USPL1: variants seen among roughly 807,000 people sequenced by gnomAD.
USPL1 encodes the protein SUMO-specific isopeptidase USPL1.
In USPL1, 27 loss-of-function variants were observed where a neutral mutation model predicts 51.5. The ratio of observed to expected loss-of-function variants is 0.52; its 90% CI spans 0.39 to 0.72. The LOEUF (loss-of-function observed/expected upper bound fraction) is 0.72. USPL1 is among the 30% of genes least tolerant of loss of function. The pLI is 0.00. For missense variants in USPL1, 1,226 were observed against 1,268.0 expected (o/e 0.97, Z 0.50); for synonymous variants, 451 against 459.6 (o/e 0.98, Z 0.24).
At position 30,644,960 on chromosome 13, in the gene USPL1, T is replaced by C. The variant is rs186954256; in HGVS notation, c.1113-1972T>C. On this transcript the variant is annotated intron_variant, in intron 6 of 8. Coordinates refer to ENST00000255304, the MANE Select transcript of USPL1 (RefSeq NM_005800.5). The stretch of plus-strand genomic sequence containing the variant: ...TCCAGTCTTCTATCATTGCTTTATA[T>C]AAATTCTCTGGTTTTCTCCTCACAG... Among the ~76,000 whole-genome samples, 208 of 152,310 alleles carry C rather than the reference T, an allele frequency of 1.4e-3. 1 individual carries two copies. The highest frequency in any genetic ancestry group is 6.8e-3 in the Middle Eastern group (2 of 294).
intron 4 of USPL1, 63 bp downstream of exon 4, chr13:30,631,537 G>A (rs921806247): frequency 2.0e-5 from 29 of 1,470,208 alleles, no homozygotes; most frequent in South Asian, 2.7e-5. Flanking sequence ...GTCTCATTCT[G>A]TCACCCAGGC....
rs148571786 is a variant in USPL1 at position 30,659,105 on chromosome 13, G to A, written c.3028G>A (p.Glu1010Lys). The change falls in exon 9 of 9, where the codon GAA becomes AAA. Residue 1010 changes from glutamate to lysine, a missense_variant. Coordinates refer to ENST00000255304, the MANE Select transcript of USPL1 (RefSeq NM_005800.5). Reference sequence around the variant, plus strand: ...TCATATCCCACCACCAGTACCAAGTGAATTCAATGATGTTTCCCAGAACAC... The same window carrying A: ...TCATATCCCACCACCAGTACCAAGTAAATTCAATGATGTTTCCCAGAACAC... ...DSHIPPPVPSEFNDVSQNTHL... is the reference protein window; with the variant it reads ...DSHIPPPVPSKFNDVSQNTHL... The A allele has an allele frequency of 6.1e-4, 990 of 1,614,172 alleles. 7 individuals carry two copies. The highest frequency in any genetic ancestry group is 1.5e-3 in the Middle Eastern group (9 of 6,062).
chr13:30,629,996 C>T (rs1189121571), intron 3 of USPL1, among the ~76,000 whole-genome samples: 1 of 151,918 alleles, frequency 6.6e-6, no homozygotes, highest in Non-Finnish European at 1.5e-5. Context: ...ATTTTAGAGA[C>T]AGGGTCTTGC....
At chr13:30,622,364 C>T (rs951473026) in intron 3 of USPL1, among the ~76,000 whole-genome samples, 1 of 152,050 alleles carries the variant, frequency 6.6e-6, no homozygotes, top group Non-Finnish European at 1.5e-5. Flanking sequence ...AGCTCTAAAT[C>T]GCTTTTAGAA....
At chr13:30,638,324 T>C (rs1050333671) in intron 5 of USPL1, among the ~76,000 whole-genome samples, 10 of 152,198 alleles carry the variant, frequency 6.6e-5, no homozygotes, top group African/African-American at 2.2e-4. Context: ...GAATCTCATC[T>C]AAACCAACCA....
intron 5 of USPL1, among the ~76,000 whole-genome samples, chr13:30,639,172 C>T (rs746195546): frequency 2.6e-5 from 4 of 151,242 alleles, no homozygotes; most frequent in South Asian, 2.1e-4. Flanking sequence ...GCTGAGATCA[C>T]GCCATTGCAT....
chr13:30,655,060 T>C (rs1951143345), intron 8 of USPL1, among the ~76,000 whole-genome samples: 1 of 151,926 alleles, frequency 6.6e-6, no homozygotes, highest in African/African-American at 2.4e-5. Flanking sequence ...TGCCTCATCC[T>C]CCTGAGTAGC....
Position 30,658,126 on chromosome 13 carries a change from T to C in USPL1, c.2049T>C (p.Asp683=). 6.2e-7 allele frequency: 1 copy of C among 1,613,754 alleles called. No individual in the cohort carries two copies. Among genetic ancestry groups the C allele is most frequent in the Non-Finnish European group, 8.5e-7 (1 of 1,180,022 alleles). The change falls in exon 9 of 9, where the codon GAT becomes GAC. Residue 683 remains aspartate, a synonymous_variant. Coordinates refer to ENST00000255304, the MANE Select transcript of USPL1 (RefSeq NM_005800.5). ...TVNTKSVNNT[D]ATGLIQGVKS... ...ATACTAAATCTGTGAATAATACTGA[T>C]GCTACTGGTCTTATACAGGGAGTGA... is the stretch of plus-strand genomic sequence containing the variant.
At chr13:30,626,815 C>CT (rs1950723172) in intron 3 of USPL1, among the ~76,000 whole-genome samples, 2 of 151,332 alleles carry the variant, frequency 1.3e-5, no homozygotes, top group South Asian at 4.1e-4. Flanking sequence ...GTGGAGTAGT[C>CT]TATCATTCAG....
At chr13:30,654,684 G>T (rs1951136661) in intron 8 of USPL1, among the ~76,000 whole-genome samples, 1 of 152,120 alleles carries the variant, frequency 6.6e-6, no homozygotes, top group Non-Finnish European at 1.5e-5. Flanking sequence ...TAAACCACAT[G>T]CTTAGTGAAC....
chr13:30,621,068 T>C lies in USPL1; in HGVS notation c.-68-5T>C, dbSNP rs1950640732. 14 of 1,243,310 alleles carry C rather than the reference T, an allele frequency of 1.1e-5. No homozygotes were observed. Among genetic ancestry groups the C allele is most frequent in the East Asian group, 2.4e-5 (1 of 41,816 alleles). 77.0% of individuals were successfully genotyped at this position (1,243,310 alleles called of 1,614,324 possible). On this transcript the variant is annotated splice_polypyrimidine_tract_variant and splice_region_variant and intron_variant, in intron 1 of 8. Coordinates refer to ENST00000255304, the MANE Select transcript of USPL1 (RefSeq NM_005800.5). ...TTTAATTGTCTATTGACTTTTTTTT[T>C]CCAGGGTTCATTGAAAAAATCCTTA...
intron 4 of USPL1, 134 bp downstream of exon 4, chr13:30,631,608 C>G: frequency 1.5e-5 from 12 of 819,434 alleles, no homozygotes; most frequent in Non-Finnish European, 2.0e-5. Flanking sequence ...TCAGGTGGGC[C>G]TCCCACCTCA....
rs1442832300 is a variant in USPL1 at position 30,659,502 on chromosome 13, C to T, written c.*146C>T. 3 of 687,242 alleles carry T rather than the reference C, an allele frequency of 4.4e-6. No individual in the cohort carries two copies. Among genetic ancestry groups the T allele is most frequent in the Non-Finnish European group, 6.8e-6 (3 of 441,006 alleles). The allele number at this position is 687,242 out of a possible 1,614,324, so 42.6% of individuals were successfully genotyped here. ...ATGCAAGGTTTAACCTTTGGTTCTGCCCATGAAGCATGTAATCTTTCTTAC... is the reference window on the plus strand; with the variant it reads ...ATGCAAGGTTTAACCTTTGGTTCTGTCCATGAAGCATGTAATCTTTCTTAC... On this transcript the variant is annotated 3_prime_UTR_variant, in exon 9 of 9. Transcript: ENST00000255304.
chr13:30,657,772 T>C lies in USPL1; in HGVS notation c.1695T>C (p.Ala565=), dbSNP rs1459641115. Reference sequence around the variant, plus strand: ...CTCGTACTCTTTCACAGGACACAGCTGTAACTCATGGAGATCATTTACTTT... The same window carrying C: ...CTCGTACTCTTTCACAGGACACAGCCGTAACTCATGGAGATCATTTACTTT... The part of the protein sequence containing the change: ...VAPRTLSQDT[A]VTHGDHLLSG... Residue 565 remains alanine, a synonymous_variant, in exon 9 of 9, where the codon GCT becomes GCC. Transcript: ENST00000255304. 1 of 1,614,174 alleles carries C rather than the reference T, an allele frequency of 6.2e-7. No individual in the cohort carries two copies. The highest frequency in any genetic ancestry group is 1.7e-5 in the Admixed American group (1 of 60,024).
At chr13:30,628,803 G>C (rs1950759048) in intron 3 of USPL1, among the ~76,000 whole-genome samples, 1 of 152,226 alleles carries the variant, frequency 6.6e-6, no homozygotes, top group Non-Finnish European at 1.5e-5. Context: ...GCAGATGTTT[G>C]AGTTGCTTTC....
At chr13:30,656,060 T>C (rs1951159259) in intron 8 of USPL1, among the ~76,000 whole-genome samples, 1 of 152,216 alleles carries the variant, frequency 6.6e-6, no homozygotes, top group Non-Finnish European at 1.5e-5. Context: ...GAAAGGTTGT[T>C]ACTCATCCAA....
intron 5 of USPL1, among the ~76,000 whole-genome samples, chr13:30,639,564 T>C (rs1277271483): frequency 6.6e-6 from 1 of 152,042 alleles, no homozygotes; most frequent in Non-Finnish European, 1.5e-5. Flanking sequence ...ATGGAATGAA[T>C]ATTCTTTTTT....
At chr13:30,632,707 T>TGGA (rs1211471303) in intron 4 of USPL1, among the ~76,000 whole-genome samples, 1 of 152,150 alleles carries the variant, frequency 6.6e-6, no homozygotes, top group African/African-American at 2.4e-5. Flanking sequence ...CCACCATACC[T>TGGA]GGCCTAGGCA....
chr13:30,620,466 T>C (rs1162993718), intron 1 of USPL1, among the ~76,000 whole-genome samples: 10 of 152,220 alleles, frequency 6.6e-5, no homozygotes, highest in Admixed American at 3.3e-4. Flanking sequence ...TTGCCACATA[T>C]GTAATTTGTA....
Sources: allele counts gnomAD v4.1 joint callset (sites outside exome capture counted in the v4.1 genomes callset), GRCh38; gene constraint gnomAD v4.1.1; transcripts MANE v1.5; gene names NCBI Gene and HGNC (gene_info 2026-07-23, HGNC 2026-07-21).